The following DOCK3 variants were observed in gnomAD, a reference collection of about 807,000 sequenced individuals.
DOCK3 encodes the protein dedicator of cytokinesis protein 3.
In DOCK3, 60 loss-of-function variants were observed where a neutral mutation model predicts 265.6. The ratio of observed to expected loss-of-function variants is 0.23; its 90% CI spans 0.18 to 0.28. The LOEUF (loss-of-function observed/expected upper bound fraction) is 0.28. Among genes scored for constraint, DOCK3 ranks in the 10% least tolerant of loss-of-function variants. The pLI, the probability that DOCK3 is intolerant of heterozygous loss-of-function variation, is 1.00. For synonymous variants in DOCK3, 881 were observed against 938.0 expected (o/e 0.94, Z 1.11); for missense variants, 1,981 against 2,594.3 (o/e 0.76, Z 5.14).
Position 51,059,486 on chromosome 3 carries a change from CACACACA to C in DOCK3, c.316-4961_316-4955del, listed in dbSNP as rs762965622. On this transcript the variant is annotated intron_variant, in intron 5 of 52. Transcript: ENST00000266037. ...ACACACACACACACACACACACACA[CACACACA>C]CCCCACATCCCACATTACTTTTAAT... Among the ~76,000 whole-genome samples, 585 of 151,732 alleles carry C rather than the reference CACACACA, an allele frequency of 3.9e-3. 2 individuals are homozygous for C. The highest frequency in any genetic ancestry group is 9.6e-3 in the Admixed American group (146 of 15,198).
At chr3:50,895,876 G>T (rs1043976574) in intron 4 of DOCK3, among the ~76,000 whole-genome samples, 5 of 152,058 alleles carry the variant, frequency 3.3e-5, no homozygotes, top group Non-Finnish European at 5.9e-5. Flanking sequence ...ATAGTATTCC[G>T]TGGTGTGTAT....
intron 12 of DOCK3, among the ~76,000 whole-genome samples, chr3:51,171,459 G>C (rs1364357681): frequency 6.6e-6 from 1 of 152,096 alleles, no homozygotes. Flanking sequence ...GCTCACACCT[G>C]TAATCTCAGC....
intron 14 of DOCK3, among the ~76,000 whole-genome samples, chr3:51,222,109 A>T (rs1441087658): frequency 6.6e-6 from 1 of 152,220 alleles, no homozygotes. Flanking sequence ...AGGTGGTTCG[A>T]ATACAATCAT....
intron 9 of DOCK3, among the ~76,000 whole-genome samples, chr3:51,094,969 A>G (rs1419020202): frequency 6.7e-6 from 1 of 148,296 alleles, no homozygotes; most frequent in African/African-American, 2.5e-5. Context: ...AGTCTGTTTT[A>G]TAAGAGACTA....
intron 48 of DOCK3, 54 bp downstream of exon 48, chr3:51,362,051 C>T: frequency 6.5e-7 from 1 of 1,545,368 alleles, no homozygotes; most frequent in South Asian, 1.2e-5. Flanking sequence ...CAGAACTCAC[C>T]TTGCTGTTGC....
At chr3:51,187,365 A>G (rs1473221628) in intron 12 of DOCK3, among the ~76,000 whole-genome samples, 1 of 152,184 alleles carries the variant, frequency 6.6e-6, no homozygotes, top group Non-Finnish European at 1.5e-5. Flanking sequence ...CTGTACCCCC[A>G]TTATATCTAG....
intron 1 of DOCK3, among the ~76,000 whole-genome samples, chr3:50,698,664 A>G (rs1212551222): frequency 6.6e-6 from 1 of 151,616 alleles, no homozygotes; most frequent in African/African-American, 2.4e-5. Flanking sequence ...AGCTGTGCAC[A>G]AGGGTTCCAG....
At chr3:51,243,775 C>A (rs2078710710) in intron 21 of DOCK3, among the ~76,000 whole-genome samples, 2 of 152,144 alleles carry the variant, frequency 1.3e-5, no homozygotes, top group African/African-American at 2.4e-5. Flanking sequence ...TTCAAGAAAT[C>A]ATTGCCTAAT....
intron 7 of DOCK3, among the ~76,000 whole-genome samples, chr3:51,078,032 C>T (rs1011314263): frequency 5.3e-5 from 8 of 152,020 alleles, no homozygotes; most frequent in Non-Finnish European, 5.9e-5. Context: ...TTTGCAATAT[C>T]CATACAACAA....
At chr3:50,838,236 A>G (rs535874984) in intron 2 of DOCK3, among the ~76,000 whole-genome samples, 129 of 152,184 alleles carry the variant, frequency 8.5e-4, no homozygotes, top group Non-Finnish European at 1.6e-3. Flanking sequence ...GAAGGGATAG[A>G]AGACCAATAG....
chr3:51,062,435 G>A (rs1261514383), intron 5 of DOCK3, among the ~76,000 whole-genome samples: 1 of 152,030 alleles, frequency 6.6e-6, no homozygotes, highest in African/African-American at 2.4e-5. Flanking sequence ...CTTAAATGTT[G>A]CCACCTTACT....
At chr3:51,112,149 G>A (rs2083548763) in intron 9 of DOCK3, among the ~76,000 whole-genome samples, 1 of 152,142 alleles carries the variant, frequency 6.6e-6, no homozygotes, top group Admixed American at 6.5e-5. Flanking sequence ...AAAGTAGTGT[G>A]GCAGTTCCTC....
At chr3:50,910,456 C>G (rs948132683) in intron 4 of DOCK3, among the ~76,000 whole-genome samples, 1 of 152,094 alleles carries the variant, frequency 6.6e-6, no homozygotes, top group Non-Finnish European at 1.5e-5. Flanking sequence ...AGCTCTTAGC[C>G]CAGCACAGCC....
At chr3:50,762,445 T>C (rs781729033) in intron 1 of DOCK3, among the ~76,000 whole-genome samples, 26 of 152,144 alleles carry the variant, frequency 1.7e-4, no homozygotes, top group Non-Finnish European at 3.7e-4. Flanking sequence ...TTAGTTTTGG[T>C]CATCAATATG....
In DOCK3 at chr3:51,312,858, G is replaced by A. The variant is rs1337092126; in HGVS notation, c.3209G>A (p.Arg1070His). 2 of 1,610,772 alleles carry A rather than the reference G, an allele frequency of 1.2e-6. No homozygotes were observed. The highest frequency in any genetic ancestry group is 1.7e-5 in the Admixed American group (1 of 59,508). The change falls in exon 31 of 53, where the codon CGT becomes CAT. Residue 1070 changes from arginine (R) to histidine (H), a missense_variant. This residue lies in a region of DOCK3 where 1,357 missense variants were observed against 1,866.8 expected (regional missense o/e 0.73). Coordinates refer to ENST00000266037, the MANE Select transcript of DOCK3 (RefSeq NM_004947.5). The stretch of plus-strand genomic sequence containing the variant: ...ACTATTCTTAGGTATGGGGACATGC[G>A]TGTAATGATGGCCTATGAACTGTTC... ...KKILDKYGDM[R>H]VMMAYELFSM...
chr3:50,915,244 G>T (rs1361616050), intron 4 of DOCK3, among the ~76,000 whole-genome samples: 1 of 152,012 alleles, frequency 6.6e-6, no homozygotes, highest in Non-Finnish European at 1.5e-5. Context: ...CAGGGGCAGG[G>T]CATGAAGCAT....
intron 5 of DOCK3, among the ~76,000 whole-genome samples, chr3:50,935,710 A>AG (rs1301875494): frequency 6.6e-6 from 1 of 152,144 alleles, no homozygotes; most frequent in Non-Finnish European, 1.5e-5. Flanking sequence ...ACTCAAACTG[A>AG]GGAGATAGTA....
rs532765173 is a variant in DOCK3, at chr3:51,298,323, T to A, written c.2923-11909T>A. Among the ~76,000 whole-genome samples the A allele has an allele frequency of 3.9e-5, 6 of 152,372 alleles. No individual in the cohort carries two copies. The South Asian group carries it at 1.2e-3, about 32-fold the overall frequency. ...TTCTTTTGTTCCTAATTTGACTAAT[T>A]TGAGTTCTCTTTTTCTTTCTTGGTC... On this transcript the variant is annotated intron_variant, in intron 27 of 52. Transcript: ENST00000266037.
intron 12 of DOCK3, among the ~76,000 whole-genome samples, chr3:51,200,674 C>G (rs140598225): frequency 6.6e-6 from 1 of 151,558 alleles, no homozygotes; most frequent in Admixed American, 6.6e-5. Context: ...AGACAGAGAA[C>G]GCCACAAAGA....
Sources: allele counts gnomAD v4.1 joint callset (sites outside exome capture counted in the v4.1 genomes callset), GRCh38; gene constraint gnomAD v4.1.1; regional missense constraint gnomAD v4.1.1; transcripts MANE v1.5; gene names NCBI Gene and HGNC (gene_info 2026-07-23, HGNC 2026-07-21).